FCHSD2: variants seen among roughly 807,000 people sequenced by gnomAD.
The protein encoded by FCHSD2 is FCH and double SH3 domains 2.
A neutral mutation model predicts 108.1 loss-of-function variants in FCHSD2; 38 were observed. That is an observed-to-expected ratio of 0.35 (90% CI 0.27 to 0.46). The LOEUF (loss-of-function observed/expected upper bound fraction) is 0.46. Ranked by LOEUF, FCHSD2 falls within the 20% of genes least tolerant of loss-of-function variation. The pLI is 1.00. For synonymous variants in FCHSD2, 279 were observed against 314.7 expected (o/e 0.89, Z 1.20); for missense variants, 751 against 897.8 (o/e 0.84, Z 2.09).
chr11:72,854,110 CTT>C (rs1357568051), intron 13 of FCHSD2, among the ~76,000 whole-genome samples: 1 of 152,126 alleles, frequency 6.6e-6, no homozygotes, highest in Non-Finnish European at 1.5e-5. Flanking sequence ...AAAATTGGAA[CTT>C]TTATACACTG....
intron 2 of FCHSD2, among the ~76,000 whole-genome samples, chr11:73,106,899 T>C (rs553073926): frequency 2.6e-3 from 400 of 152,282 alleles, no homozygotes; most frequent in African/African-American, 9.2e-3. Context: ...TACCTAATGA[T>C]GCATTTCTCA....
chr11:73,065,486 A>G (rs1209690798), intron 3 of FCHSD2, among the ~76,000 whole-genome samples: 1 of 152,212 alleles, frequency 6.6e-6, no homozygotes, highest in East Asian at 1.9e-4. Context: ...TATTCAACAT[A>G]GTATTGGAAG....
chr11:73,095,328 G>C (rs963002487), intron 2 of FCHSD2, among the ~76,000 whole-genome samples: 3 of 152,160 alleles, frequency 2.0e-5, no homozygotes, highest in Admixed American at 2.0e-4. Context: ...TGCTAAATAA[G>C]TGACAATATC....
chr11:72,890,734 G>C (rs1235086273), intron 10 of FCHSD2, among the ~76,000 whole-genome samples: 2 of 151,364 alleles, frequency 1.3e-5, no homozygotes, highest in Non-Finnish European at 2.9e-5. Context: ...AAAGAAAACA[G>C]AGGCTCAGAG....
intron 2 of FCHSD2, among the ~76,000 whole-genome samples, chr11:73,129,579 G>A (rs541339746): frequency 4.2e-4 from 64 of 152,280 alleles, no homozygotes; most frequent in African/African-American, 1.4e-3. Context: ...AGATGGGACC[G>A]TCCAGTTGCA....
At chr11:73,093,646 G>C (rs1278622047) in intron 2 of FCHSD2, among the ~76,000 whole-genome samples, 1 of 151,996 alleles carries the variant, frequency 6.6e-6, no homozygotes, top group Admixed American at 6.5e-5. Flanking sequence ...TTGTTGCCCA[G>C]GCTGGAGTGC....
intron 3 of FCHSD2, among the ~76,000 whole-genome samples, chr11:73,040,262 G>A (rs1858602469): frequency 6.6e-6 from 1 of 152,180 alleles, no homozygotes; most frequent in African/African-American, 2.4e-5. Flanking sequence ...CCAGGAACAG[G>A]AGAAGCCCTC....
At chr11:73,048,626 G>GT (rs1858821521) in intron 3 of FCHSD2, among the ~76,000 whole-genome samples, 2 of 152,166 alleles carry the variant, frequency 1.3e-5, no homozygotes, top group Admixed American at 1.3e-4. Context: ...TCTTCTTACA[G>GT]TAAGTGCCGG....
intron 8 of FCHSD2, among the ~76,000 whole-genome samples, chr11:72,950,233 A>T (rs1438053612): frequency 6.6e-6 from 1 of 152,196 alleles, no homozygotes; most frequent in Admixed American, 6.5e-5. Flanking sequence ...TATATATTCT[A>T]AATATTAAAT....
chr11:72,846,061 T>C (rs1861127424), intron 14 of FCHSD2, among the ~76,000 whole-genome samples: 1 of 1,080 alleles, frequency 9.3e-4, no homozygotes, highest in African/African-American at 1.5e-3. Context: ...AATAGATAGA[T>C]AGATAGATAG....
intron 2 of FCHSD2, among the ~76,000 whole-genome samples, chr11:73,131,361 C>CAA (rs55755311): frequency 0.068 from 6,862 of 101,156 alleles, 248 homozygotes; most frequent in Middle Eastern, 0.083. Context: ...ACTAAAAGTA[C>CAA]AAAAAAAAAA....
chr11:72,916,321 T>G (rs1855873383), intron 9 of FCHSD2, among the ~76,000 whole-genome samples: 1 of 150,574 alleles, frequency 6.6e-6, no homozygotes, highest in Non-Finnish European at 1.5e-5. Flanking sequence ...TTTTTTTTTT[T>G]TTTAAAGAGA....
intron 8 of FCHSD2, among the ~76,000 whole-genome samples, chr11:72,975,228 T>C (rs1035431289): frequency 2.0e-5 from 3 of 152,186 alleles, no homozygotes; most frequent in South Asian, 2.1e-4. Flanking sequence ...CTGACGGACA[T>C]TTAGGTTGAT....
chr11:73,057,252 C>T (rs7948950), intron 3 of FCHSD2, among the ~76,000 whole-genome samples: 11 of 152,136 alleles, frequency 7.2e-5, no homozygotes, highest in African/African-American at 2.4e-4. Flanking sequence ...TTTAAGTGAC[C>T]GGCATAGTAC....
intron 2 of FCHSD2, among the ~76,000 whole-genome samples, chr11:73,091,902 G>C (rs1176650391): frequency 6.6e-6 from 1 of 151,986 alleles, no homozygotes; most frequent in Non-Finnish European, 1.5e-5. Flanking sequence ...TTAGCTGGTA[G>C]CGTGCACCTG....
At chr11:73,086,997 C>G (rs1859832001) in intron 2 of FCHSD2, among the ~76,000 whole-genome samples, 2 of 152,170 alleles carry the variant, frequency 1.3e-5, no homozygotes, top group African/African-American at 2.4e-5. Context: ...TGAGGTCCTA[C>G]AGCTAACTGT....
intron 4 of FCHSD2, among the ~76,000 whole-genome samples, chr11:73,010,399 A>G (rs1252923380): frequency 6.6e-6 from 1 of 151,914 alleles, no homozygotes; most frequent in African/African-American, 2.4e-5. Context: ...GATTTTGTAA[A>G]TTTGTTTTTT....
At chr11:73,001,244 A>G (rs1481844809) in intron 4 of FCHSD2, 110 bp from the exon 5 acceptor site, 4 of 876,844 alleles carry the variant, frequency 4.6e-6, no homozygotes, top group Non-Finnish European at 7.2e-6. Context: ...GTCTTCTTTA[A>G]TGTATTTATA....
chr11:73,070,881 A>T (rs1430116673), intron 3 of FCHSD2, among the ~76,000 whole-genome samples: 5 of 152,110 alleles, frequency 3.3e-5, no homozygotes, highest in Admixed American at 6.5e-5. Flanking sequence ...GCTGGAAGTG[A>T]AATAATGTGG....
Sources: gnomAD v4.1 joint callset for allele counts (sites outside exome capture counted in the v4.1 genomes callset) on GRCh38, gnomAD v4.1.1 for gene constraint, MANE v1.5 for transcripts, NCBI Gene and HGNC (gene_info 2026-07-23, HGNC 2026-07-21) for gene names.